Variants in KIF20A observed in about 807,000 individuals in gnomAD.
KIF20A encodes the protein kinesin-like protein KIF20A.
A neutral mutation model predicts 113.0 loss-of-function variants in KIF20A; 66 were observed. The ratio of observed to expected loss-of-function variants is 0.58; its 90% CI spans 0.48 to 0.72. KIF20A has a LOEUF of 0.72. Among genes scored for constraint, KIF20A ranks in the 30% least tolerant of loss-of-function variants. The pLI is 0.00. For synonymous variants in KIF20A, 376 were observed against 402.3 expected (o/e 0.93, Z 0.78); for missense variants, 927 against 1,077.6 (o/e 0.86, Z 1.96).
In KIF20A at chr5:138,187,362, C is replaced by G. The variant is rs1445380191; in HGVS notation, c.2622C>G (p.Arg874=). Residue 874 remains arginine (R), a synonymous_variant, in exon 19 of 19, where the codon CGC becomes CGG. Transcript: ENST00000394894. ...GCAGCCCTTATGCCCGGATCCTACG[C>G]TCACGGCGTTCCCCTTTACTCAAAT... The part of the protein sequence containing the change: ...TDCSPYARIL[R]SRRSPLLKSG... The G allele has an allele frequency of 1.9e-6, 3 of 1,614,210 alleles. No homozygotes were observed. Among genetic ancestry groups the G allele is most frequent in the East Asian group, 4.5e-5 (2 of 44,890 alleles).
At chr5:138,186,792 T>C (rs1279942507) in intron 18 of KIF20A, among the ~76,000 whole-genome samples, 1 of 152,238 alleles carries the variant, frequency 6.6e-6, no homozygotes, top group Non-Finnish European at 1.5e-5. Flanking sequence ...AATGTTAAAA[T>C]TGTGTATCTT....
At chr5:138,186,164 G>A in intron 17 of KIF20A, 112 bp downstream of exon 17, 24 of 1,476,560 alleles carry the variant, frequency 1.6e-5, no homozygotes, top group Non-Finnish European at 2.2e-5. Flanking sequence ...CACAGTTCTG[G>A]AGAGTGGCTA....
Position 138,182,438 on chromosome 5 carries a change from C to G in KIF20A, c.491C>G (p.Ser164Ter). 6.2e-7 allele frequency: 1 copy of G among 1,614,138 alleles called. No homozygotes were observed. Among genetic ancestry groups the G allele is most frequent in the Non-Finnish European group, 8.5e-7 (1 of 1,180,002 alleles). Residue 164 changes from serine (S) to a stop codon, truncating the protein, a stop_gained, in exon 5 of 19, where the codon TCA becomes TGA. Transcript: ENST00000394894. LOFTEE classifies it high-confidence loss of function. Reference sequence around the variant, plus strand: ...ATCTATACATATGGAGTCACTAACTCAGGGAAAACCCACACGATTCAAGGT... The same window carrying G: ...ATCTATACATATGGAGTCACTAACTGAGGGAAAACCCACACGATTCAAGGT... ...WLIYTYGVTN[S>*]GKTHTIQGTI...
Position 138,186,282 on chromosome 5 carries a change from C to T in KIF20A, c.2218-12C>T, listed in dbSNP as rs761155213. 3 of 1,585,582 alleles carry T rather than the reference C, an allele frequency of 1.9e-6. No homozygotes were observed. The highest frequency in any genetic ancestry group is 2.6e-6 in the Non-Finnish European group (3 of 1,171,540). The stretch of plus-strand genomic sequence containing the variant: ...CTTGGCCACAATATGATTCCTACTT[C>T]CCCTTTTTCAGAATATAAGGCTGTT... On this transcript the variant is annotated splice_polypyrimidine_tract_variant and intron_variant, in intron 17 of 18. Transcript: ENST00000394894.
rs1754729466 is a variant in KIF20A at position 138,185,505 on chromosome 5, C to T, written c.1927-7C>T. Reference sequence around the variant, plus strand: ...GCAAAGAATTGTGCTCTCTGCTTCCCTCTTAGGAGCGGGATGAAAAGATTG... The same window carrying T: ...GCAAAGAATTGTGCTCTCTGCTTCCTTCTTAGGAGCGGGATGAAAAGATTG... On this transcript the variant is annotated splice_region_variant and splice_polypyrimidine_tract_variant and intron_variant, in intron 15 of 18. Transcript: ENST00000394894. The T allele has an allele frequency of 6.2e-7, 1 of 1,612,616 alleles. No individual in the cohort carries two copies. The highest frequency in any genetic ancestry group is 1.1e-5 in the South Asian group (1 of 90,988).
intron 3 of KIF20A, 46 bp downstream of exon 3, chr5:138,181,557 A>G: frequency 6.2e-7 from 1 of 1,614,124 alleles, no homozygotes; most frequent in East Asian, 2.2e-5. Flanking sequence ...GATGCAGTAC[A>G]AAAGATTCCC....
chr5:138,184,324 A>G lies in KIF20A; in HGVS notation c.1438A>G (p.Met480Val). ...CTTCACAGGCCGAGGCCGTTCCTGC[A>G]TGATTGTCAATGTGAATCCCTGTGC... is the stretch of plus-strand genomic sequence containing the variant. ...GFFTGRGRSC[M>V]IVNVNPCAST... The change falls in exon 12 of 19, where the codon ATG becomes GTG. Residue 480 changes from methionine to valine, a missense_variant. By Grantham distance (21) the Met-to-Val change is conservative. Transcript: ENST00000394894. The G allele has an allele frequency of 3.1e-6, 5 of 1,614,160 alleles. No individual in the cohort carries two copies. Among genetic ancestry groups the G allele is most frequent in the Non-Finnish European group, 4.2e-6 (5 of 1,180,012 alleles).
At position 138,184,334 on chromosome 5, in the gene KIF20A, A is replaced by G. The variant is rs36032759; in HGVS notation, c.1448A>G (p.Asn483Ser). 8.0e-5 allele frequency: 129 copies of G among 1,614,066 alleles called. No individual in the cohort carries two copies. The highest frequency in any genetic ancestry group is 1.6e-4 in the Middle Eastern group (1 of 6,084). ...TGRGRSCMIV[N>S]VNPCASTYDE... ...CGAGGCCGTTCCTGCATGATTGTCA[A>G]TGTGAATCCCTGTGCATCTACCTAT... The change falls in exon 12 of 19, where the codon AAT becomes AGT. Residue 483 changes from asparagine (N) to serine (S), a missense_variant. By Grantham distance (46) the Asn-to-Ser change is conservative. Transcript: ENST00000394894.
chr5:138,185,860 CTT>C (rs1364065949), intron 16 of KIF20A, 99 bp from the exon 17 acceptor site: 1 of 1,321,138 alleles, frequency 7.6e-7, no homozygotes, highest in African/African-American at 1.5e-5. Context: ...CATAGCCTCA[CTT>C]TTTATATTTG....
Position 138,184,553 on chromosome 5 carries a change from G to C in KIF20A, c.1560G>C (p.Leu520=), listed in dbSNP as rs761210384. The C allele has an allele frequency of 6.2e-7, 1 of 1,614,056 alleles. No homozygotes were observed. The highest frequency in any genetic ancestry group is 1.1e-5 in the South Asian group (1 of 91,076). ...APPMQLGFPS[L]HSFIKEHSLQ... is the part of the protein sequence containing the mutation. The stretch of plus-strand genomic sequence containing the variant: ...CTATGCAACTGGGATTCCCATCCCT[G>C]CACTCGTTCATCAAGGAACATAGTC... Residue 520 remains leucine, a synonymous_variant, in exon 13 of 19, where the codon CTG becomes CTC. Transcript: ENST00000394894.
At chr5:138,184,970 G>C in intron 14 of KIF20A, 24 bp downstream of exon 14, 1 of 1,612,510 alleles carries the variant, frequency 6.2e-7, no homozygotes, top group Non-Finnish European at 8.5e-7. Flanking sequence ...GACCCCTCTT[G>C]CTCTGTCACC....
chr5:138,181,391 T>A, intron 2 of KIF20A, 31 bp from the exon 3 acceptor site: 1 of 1,588,866 alleles, frequency 6.3e-7, no homozygotes, highest in East Asian at 2.2e-5. Context: ...CTGAAATTAA[T>A]CTGTGGTTCT....
At chr5:138,182,539 G>A in intron 5 of KIF20A, 47 bp from the exon 6 acceptor site, 1 of 1,612,940 alleles carries the variant, frequency 6.2e-7, no homozygotes, top group East Asian at 2.2e-5. Flanking sequence ...CTGAGTTAGG[G>A]GGAGAAGGGC....
chr5:138,181,790 T>C lies in KIF20A; in HGVS notation c.375+62T>C. ...ATGTAAGGGCAACTTTATTCCCTCT[T>C]TAGAGGGAAAGCTTCTCTTCCTGAC... On this transcript the variant is annotated intron_variant, in intron 4 of 18. Coordinates refer to ENST00000394894, the MANE Select transcript of KIF20A (RefSeq NM_005733.3). The C allele has an allele frequency of 2.5e-6, 4 of 1,575,928 alleles. No individual in the cohort carries two copies. In the South Asian group the frequency reaches 4.5e-5, roughly 18 times the overall value.
At position 138,184,070 on chromosome 5, in the gene KIF20A, C is replaced by T. The variant is rs747381072; in HGVS notation, c.1317C>T (p.Arg439=). ...ACACCTCTCTACACACCCTGGGCCG[C>T]TGTATTGCTGCCCTTCGTCAAAACC... ...NINTSLHTLG[R]CIAALRQNQQ... Residue 439 remains arginine (R), a synonymous_variant, in exon 11 of 19, where the codon CGC becomes CGT. Coordinates refer to ENST00000394894, the MANE Select transcript of KIF20A (RefSeq NM_005733.3). 1 of 1,614,170 alleles carries T rather than the reference C, an allele frequency of 6.2e-7. No homozygotes were observed. Among genetic ancestry groups the T allele is most frequent in the South Asian group, 1.1e-5 (1 of 91,086 alleles).
chr5:138,183,525 G>A lies in KIF20A; in HGVS notation c.1083G>A (p.Val361=). The part of the protein sequence containing the change: ...DAEEAWKLLK[V]GRKNQSFAST... ...AGGAGGCCTGGAAGCTCCTAAAAGTGGGTCGTAAGAACCAGAGCTTTGCCA... is the reference window on the plus strand; with the variant it reads ...AGGAGGCCTGGAAGCTCCTAAAAGTAGGTCGTAAGAACCAGAGCTTTGCCA... The change falls in exon 9 of 19, where the codon GTG becomes GTA. Residue 361 remains valine (V), a synonymous_variant. Transcript: ENST00000394894. The surrounding 1 kb of genome is among the most constrained non-coding windows in gnomAD (Gnocchi z 5.2). 6.2e-7 allele frequency: 1 copy of A among 1,614,110 alleles called. No homozygotes were observed. Among genetic ancestry groups the A allele is most frequent in the Non-Finnish European group, 8.5e-7 (1 of 1,180,028 alleles).
rs1754692082 is a variant in KIF20A, at chr5:138,183,388, C to T, written c.1027+25C>T. On this transcript the variant is annotated intron_variant, in intron 8 of 18. Transcript: ENST00000394894. This position sits in a 1 kb window ranked among gnomAD's most constrained non-coding sequence, Gnocchi z 5.2. Reference sequence around the variant, plus strand: ...GGTAAAGGAACATGGGGAAAGCTGGCATGAACCCTGGAGGGCAACTGGGGA... The same window carrying T: ...GGTAAAGGAACATGGGGAAAGCTGGTATGAACCCTGGAGGGCAACTGGGGA... 1 of 1,613,376 alleles carries T rather than the reference C, an allele frequency of 6.2e-7. No individual in the cohort carries two copies. The highest frequency in any genetic ancestry group is 1.7e-5 in the Admixed American group (1 of 59,962).
chr5:138,186,462 C>G, intron 18 of KIF20A, 31 bp downstream of exon 18: 1 of 1,597,982 alleles, frequency 6.3e-7, no homozygotes, highest in Non-Finnish European at 8.5e-7. Context: ...CACTTCTGTC[C>G]TACCAGCCCA....
Position 138,182,917 on chromosome 5 carries a change from C to G in KIF20A, c.759C>G (p.Thr253=), listed in dbSNP as rs759068632. The G allele has an allele frequency of 1.9e-6, 3 of 1,614,162 alleles. No individual in the cohort carries two copies. The highest frequency in any genetic ancestry group is 3.3e-4 in the Middle Eastern group (2 of 6,060). The stretch of plus-strand genomic sequence containing the variant: ...TCTACATCGAAAGTCGGATAGGTAC[C>G]AGCACCAGCTTCGACAGTGGCATTG... ...RSVYIESRIG[T]STSFDSGIAG... is the part of the protein sequence containing the mutation. Residue 253 remains threonine (T), a synonymous_variant, in exon 7 of 19, where the codon ACC becomes ACG. Transcript: ENST00000394894.
Sources: gnomAD v4.1 joint callset for allele counts (sites outside exome capture counted in the v4.1 genomes callset) on GRCh38, gnomAD v4.1.1 for gene constraint, Gnocchi (gnomAD v3.1) non-coding constraint, MANE v1.5 for transcripts, NCBI Gene and HGNC (gene_info 2026-07-23, HGNC 2026-07-21) for gene names.